PRICKLE1: variants seen among roughly 807,000 people sequenced by gnomAD.
The protein encoded by PRICKLE1 is prickle-like protein 1.
A neutral mutation model predicts 70.2 loss-of-function variants in PRICKLE1; 14 were observed. The ratio of observed to expected loss-of-function variants is 0.20; its 90% CI spans 0.13 to 0.31. The LOEUF (loss-of-function observed/expected upper bound fraction) is 0.31. Among genes scored for constraint, PRICKLE1 ranks in the 10% least tolerant of loss-of-function variants. The probability of loss-of-function intolerance (pLI) is 1.00; values close to 1 mark genes in which losing one functional copy is unlikely to be tolerated. For missense variants in PRICKLE1, 821 were observed against 1,026.2 expected (o/e 0.80, Z 2.73); for synonymous variants, 357 against 379.9 (o/e 0.94, Z 0.70).
chr12:42,460,760 A>T, intron 7 of PRICKLE1, 95 bp from the exon 8 acceptor site: 2 of 1,434,856 alleles, frequency 1.4e-6, no homozygotes, highest in East Asian at 4.6e-5. Flanking sequence ...TTTCAAAGAA[A>T]ATTTCCAATC....
intron 1 of PRICKLE1, among the ~76,000 whole-genome samples, chr12:42,478,613 A>G (rs1938666215): frequency 6.6e-6 from 1 of 152,214 alleles, no homozygotes; most frequent in Admixed American, 6.5e-5. Context: ...TTGAAAACTA[A>G]AAGCCTACTA....
chr12:42,552,099 C>T (rs1342894129), intron 1 of PRICKLE1, among the ~76,000 whole-genome samples: 1 of 142,566 alleles, frequency 7.0e-6, no homozygotes, highest in African/African-American at 2.7e-5. Context: ...CAGGCTCTCA[C>T]TCTGTTGTCT....
intron 1 of PRICKLE1, among the ~76,000 whole-genome samples, chr12:42,473,749 T>A (rs1370318084): frequency 6.6e-6 from 1 of 152,086 alleles, no homozygotes. Flanking sequence ...AGCCAGAGTC[T>A]AGTCACACAT....
intron 1 of PRICKLE1, among the ~76,000 whole-genome samples, chr12:42,476,332 G>A (rs887885537): frequency 2.0e-5 from 3 of 151,968 alleles, no homozygotes; most frequent in African/African-American, 7.3e-5. Flanking sequence ...ACAGGCATGT[G>A]CCACCACACC....
At chr12:42,532,358 A>C (rs1009926664) in intron 1 of PRICKLE1, among the ~76,000 whole-genome samples, 1 of 152,224 alleles carries the variant, frequency 6.6e-6, no homozygotes, top group African/African-American at 2.4e-5. Flanking sequence ...AACCGGTCAA[A>C]TAATTTTACT....
At chr12:42,466,871 T>C (rs962376170) in intron 5 of PRICKLE1, among the ~76,000 whole-genome samples, 2 of 152,206 alleles carry the variant, frequency 1.3e-5, no homozygotes, top group Admixed American at 1.3e-4. Flanking sequence ...TGGCCATCTC[T>C]AGATTAAGGA....
Position 42,468,752 on chromosome 12 carries a change from G to C in PRICKLE1, c.462C>G (p.Ser154=), listed in dbSNP as rs1210566509. The C allele has an allele frequency of 1.2e-6, 2 of 1,614,036 alleles. No homozygotes were observed. Among genetic ancestry groups the C allele is most frequent in the South Asian group, 1.1e-5 (1 of 91,086 alleles). The change falls in exon 5 of 8, where the codon TCC becomes TCG. Residue 154 remains serine, a synonymous_variant. Coordinates refer to ENST00000345127, the MANE Select transcript of PRICKLE1 (RefSeq NM_153026.3). ...RAGPGVCWHP[S]CFVCFTCNEL... ...CATTACACGTGAAACAGACAAAACA[G>C]GATGGGTGCCAGCACACACCAGGGC...
intron 1 of PRICKLE1, among the ~76,000 whole-genome samples, chr12:42,545,048 G>A (rs1940183509): frequency 6.6e-6 from 1 of 151,692 alleles, no homozygotes; most frequent in Non-Finnish European, 1.5e-5. Context: ...GCAGTGGCAA[G>A]ATCATGGTGC....
intron 1 of PRICKLE1, among the ~76,000 whole-genome samples, chr12:42,587,933 T>C (rs1002624942): frequency 6.6e-6 from 1 of 152,198 alleles, no homozygotes; most frequent in East Asian, 1.9e-4. Context: ...CTTGCTGTCA[T>C]GGGATTTTTT....
At chr12:42,546,033 G>T (rs935437261) in intron 1 of PRICKLE1, among the ~76,000 whole-genome samples, 1 of 151,790 alleles carries the variant, frequency 6.6e-6, no homozygotes, top group African/African-American at 2.4e-5. Context: ...ATGTAAAAAA[G>T]CAATCTTTCA....
At chr12:42,561,933 A>G (rs1940523779) in intron 1 of PRICKLE1, among the ~76,000 whole-genome samples, 1 of 119,054 alleles carries the variant, frequency 8.4e-6, no homozygotes, top group Non-Finnish European at 1.7e-5. Context: ...TTTTTTCCAG[A>G]CAGAGTTTTG....
In PRICKLE1 at chr12:42,475,703, C is replaced by T. The variant is rs1938496452; in HGVS notation, c.-48-3139G>A. Among the ~76,000 whole-genome samples, 3 of 152,284 alleles carry T rather than the reference C, an allele frequency of 2.0e-5. No homozygotes were observed. In the South Asian group the frequency reaches 6.2e-4, roughly 32 times the overall value. The stretch of plus-strand genomic sequence containing the variant: ...GAGCACTTGGTTCAGAGTTTATTCA[C>T]TGACGAAAGTTTTTCTTTTTCCTTT... On this transcript the variant is annotated intron_variant, in intron 1 of 7. Transcript: ENST00000345127.
intron 1 of PRICKLE1, among the ~76,000 whole-genome samples, chr12:42,505,900 G>A (rs948154008): frequency 1.3e-5 from 2 of 152,180 alleles, no homozygotes; most frequent in African/African-American, 4.8e-5. Flanking sequence ...TGCATTTAAT[G>A]TAGTCTCCAT....
intron 1 of PRICKLE1, among the ~76,000 whole-genome samples, chr12:42,562,347 G>GA (rs1166711604): frequency 6.6e-6 from 1 of 152,090 alleles, no homozygotes; most frequent in Non-Finnish European, 1.5e-5. Flanking sequence ...TAGAGATTGT[G>GA]AAAAAGATAA....
chr12:42,478,252 A>C (rs552779876), intron 1 of PRICKLE1, among the ~76,000 whole-genome samples: 2 of 152,338 alleles, frequency 1.3e-5, no homozygotes, highest in South Asian at 4.1e-4. Flanking sequence ...TCTTGGTCTT[A>C]AAATGCTGTA....
chr12:42,491,297 A>G (rs1189384304), intron 1 of PRICKLE1, among the ~76,000 whole-genome samples: 3 of 151,452 alleles, frequency 2.0e-5, no homozygotes, highest in Non-Finnish European at 4.4e-5. Flanking sequence ...TCACATCTGT[A>G]ATCCTAGCAC....
At chr12:42,533,786 G>T (rs1384385302) in intron 1 of PRICKLE1, among the ~76,000 whole-genome samples, 1 of 152,080 alleles carries the variant, frequency 6.6e-6, no homozygotes, top group Non-Finnish European at 1.5e-5. Flanking sequence ...AATGTCACAC[G>T]CATGGCACTC....
In PRICKLE1 at chr12:42,589,314, C is replaced by A. The variant is rs1314351581; in HGVS notation, c.-49+151G>T. The A allele has an allele frequency of 6.6e-6, 1 of 152,340 alleles. No individual in the cohort carries two copies. Among genetic ancestry groups the A allele is most frequent in the East Asian group, 1.9e-4 (1 of 5,184 alleles). 9.4% of individuals were successfully genotyped at this position (152,340 alleles called of 1,614,324 possible). A position where few individuals can be genotyped will look rare whatever the true frequency, so the allele number is the denominator to read the frequency against. ...CCAACAAACCGATTATGACCTTCTC[C>A]CTGATCTTCTGCGACACCGACCCAG... On this transcript the variant is annotated intron_variant, in intron 1 of 7. Coordinates refer to ENST00000345127, the MANE Select transcript of PRICKLE1 (RefSeq NM_153026.3). This position sits in a 1 kb window ranked among gnomAD's most constrained non-coding sequence, Gnocchi z 5.0.
chr12:42,532,663 T>C (rs1210788469), intron 1 of PRICKLE1, among the ~76,000 whole-genome samples: 14 of 152,058 alleles, frequency 9.2e-5, no homozygotes, highest in African/African-American at 4.8e-5. Context: ...TTTGGGAGGC[T>C]GAGGCGGGCG....
Sources: allele counts gnomAD v4.1 joint callset (sites outside exome capture counted in the v4.1 genomes callset), GRCh38; gene constraint gnomAD v4.1.1; non-coding constraint Gnocchi (gnomAD v3.1); transcripts MANE v1.5; gene names NCBI Gene and HGNC (gene_info 2026-07-23, HGNC 2026-07-21).